The following H2BC13 variants were observed in gnomAD, a reference collection of about 807,000 sequenced individuals.
H2BC13 encodes H2B clustered histone 13.
Under a neutral mutation model 6.3 loss-of-function variants are expected in H2BC13, and 12 were observed. The ratio of observed to expected loss-of-function variants is 1.90; its 90% confidence interval spans 1.22 to 3.08. The LOEUF is 3.08. Among genes scored for constraint, H2BC13 ranks in the 30% most tolerant of loss-of-function variants. The pLI is 0.00. For missense variants in H2BC13, 164 were observed against 170.4 expected (o/e 0.96, Z 0.21); for synonymous variants, 109 against 74.3 (o/e 1.47, Z -2.40).
At position 27,807,576 on chromosome 6, in the gene H2BC13, C is replaced by G. The variant is rs760718843; in HGVS notation, c.331G>C (p.Ala111Pro). Reference protein sequence around the residue: ...LLLPGELAKHAVSEGTKAVTK... With the variant: ...LLLPGELAKHPVSEGTKAVTK... ...ACGGCCTTGGTGCCCTCCGACACCG[C>G]GTGCTTGGCCAGCTCCCCCGGAAGC... Residue 111 changes from alanine to proline, a missense_variant, in exon 1 of 1, where the codon GCG becomes CCG. By Grantham distance (27) the Ala-to-Pro change is conservative (BLOSUM62 -1). Coordinates refer to ENST00000377401, the MANE Select transcript of H2BC13 (RefSeq NM_003519.4). 4 of 1,614,102 alleles carry G rather than the reference C, an allele frequency of 2.5e-6. No homozygotes were observed. In the African/African-American group the frequency reaches 4.0e-5, roughly 16 times the overall value.
In H2BC13 at chr6:27,807,497, G is replaced by C; in HGVS notation, c.*29C>G. ...ATAATAGTGAGTGGCTCTGAAAAGAGCCTTTGGGTTGGACAAGAGCTTGAG... is the reference window on the plus strand; with the variant it reads ...ATAATAGTGAGTGGCTCTGAAAAGACCCTTTGGGTTGGACAAGAGCTTGAG... On this transcript the variant is annotated 3_prime_UTR_variant, in exon 1 of 1. Transcript: ENST00000377401. 2 of 1,612,226 alleles carry C rather than the reference G, an allele frequency of 1.2e-6. No homozygotes were observed. The highest frequency in any genetic ancestry group is 2.2e-5 in the South Asian group (2 of 90,956).
rs780978274 is a variant in H2BC13 at position 27,807,517 on chromosome 6, C to T, written c.*9G>A. The T allele has an allele frequency of 3.1e-6, 5 of 1,613,376 alleles. No individual in the cohort carries two copies. The highest frequency in any genetic ancestry group is 2.2e-5 in the East Asian group (1 of 44,866). ...AAAGAGCCTTTGGGTTGGACAAGAG[C>T]TTGAGAATTTACTTGGAGCTGGTGT... On this transcript the variant is annotated 3_prime_UTR_variant, in exon 1 of 1. Coordinates refer to ENST00000377401, the MANE Select transcript of H2BC13 (RefSeq NM_003519.4).
chr6:27,807,729 T>C lies in H2BC13; in HGVS notation c.178A>G (p.Met60Val), dbSNP rs551809985. 2.5e-6 allele frequency: 4 copies of C among 1,614,246 alleles called. No homozygotes were observed. In the Admixed American group the frequency reaches 5.0e-5, roughly 20 times the overall value. The change falls in exon 1 of 1, where the codon ATG becomes GTG. Residue 60 changes from methionine (M) to valine (V), a missense_variant. Met to Val is a conservative substitution (Grantham distance 21). Coordinates refer to ENST00000377401, the MANE Select transcript of H2BC13 (RefSeq NM_003519.4). Reference sequence around the variant, plus strand: ...TTGACGAAGGAGTTCATGATTCCCATGGCCTTAGAAGAGATGCCGGTGTCG... The same window carrying C: ...TTGACGAAGGAGTTCATGATTCCCACGGCCTTAGAAGAGATGCCGGTGTCG... ...HPDTGISSKAMGIMNSFVNDI... is the reference protein window; with the variant it reads ...HPDTGISSKAVGIMNSFVNDI...
rs1257935837 is a variant in H2BC13 at position 27,807,801 on chromosome 6, C to A, written c.106G>T (p.Glu36Ter). Residue 36 changes from glutamate (E) to a stop codon, truncating the protein, a stop_gained, in exon 1 of 1, where the codon GAG becomes TAG. Coordinates refer to ENST00000377401, the MANE Select transcript of H2BC13 (RefSeq NM_003519.4). LOFTEE classifies it high-confidence loss of function. ...TTGTACACGTACACGGAGTAGCTCT[C>A]CTTGCGGCTGCGCTTGCGCTTCTTG... ...DGKKRKRSRK[E>*]SYSVYVYKVL... 1.2e-6 allele frequency: 2 copies of A among 1,614,232 alleles called. No homozygotes were observed. The highest frequency in any genetic ancestry group is 1.7e-6 in the Non-Finnish European group (2 of 1,180,050).
rs1196693934 is a variant in H2BC13, at chr6:27,807,562, G to A, written c.345C>T (p.Gly115=). 34 of 1,614,072 alleles carry A rather than the reference G, an allele frequency of 2.1e-5. No homozygotes were observed. The Admixed American group carries it at 5.2e-4, about 25-fold the overall frequency. Residue 115 remains glycine, a synonymous_variant, in exon 1 of 1, where the codon GGC becomes GGT. Coordinates refer to ENST00000377401, the MANE Select transcript of H2BC13 (RefSeq NM_003519.4). ...TGGTGTACTTGGTGACGGCCTTGGT[G>A]CCCTCCGACACCGCGTGCTTGGCCA... is the stretch of plus-strand genomic sequence containing the variant. ...GELAKHAVSE[G]TKAVTKYTSS...
chr6:27,807,619 C>G lies in H2BC13; in HGVS notation c.288G>C (p.Gln96His). ...CCGGAAGCAGCAGGCGCACGGCGGTCTGGATCTCCCTGGAGGTGATGGTCG... is the reference window on the plus strand; with the variant it reads ...CCGGAAGCAGCAGGCGCACGGCGGTGTGGATCTCCCTGGAGGTGATGGTCG... ...KRSTITSREIQTAVRLLLPGE... is the reference protein window; with the variant it reads ...KRSTITSREIHTAVRLLLPGE... Residue 96 changes from glutamine (Q) to histidine (H), a missense_variant, in exon 1 of 1, where the codon CAG (glutamine) becomes CAC (histidine). Gln to His is a conservative substitution (Grantham distance 24). Coordinates refer to ENST00000377401, the MANE Select transcript of H2BC13 (RefSeq NM_003519.4). The G allele has an allele frequency of 6.2e-7, 1 of 1,614,250 alleles. No homozygotes were observed. Among genetic ancestry groups the G allele is most frequent in the Non-Finnish European group, 8.5e-7 (1 of 1,180,052 alleles).
rs374721250 is a variant in H2BC13 at position 27,807,784 on chromosome 6, G to T, written c.123C>A (p.Tyr41Ter). The T allele has an allele frequency of 9.3e-6, 15 of 1,614,096 alleles. No homozygotes were observed. Among genetic ancestry groups the T allele is most frequent in the Non-Finnish European group, 1.3e-5 (15 of 1,180,042 alleles). ...KRSRKESYSV[Y>*]VYKVLKQVHP... The stretch of plus-strand genomic sequence containing the variant: ...GGACCTGCTTCAGCACCTTGTACAC[G>T]TACACGGAGTAGCTCTCCTTGCGGC... The change falls in exon 1 of 1, where the codon TAC becomes TAA. Residue 41 changes from tyrosine (Y) to a stop codon, truncating the protein, a stop_gained. Coordinates refer to ENST00000377401, the MANE Select transcript of H2BC13 (RefSeq NM_003519.4). LOFTEE classifies it high-confidence loss of function.
In H2BC13 at chr6:27,807,897, G is replaced by A. The variant is rs141811762; in HGVS notation, c.10C>T (p.Leu4=). Residue 4 remains leucine, a synonymous_variant, in exon 1 of 1, where the codon CTG becomes TTG. Transcript: ENST00000377401. MPE[L]AKSAPAPKKG... is the part of the protein sequence containing the mutation. Reference sequence around the variant, plus strand: ...TTCGGGGCGGGAGCAGACTTGGCCAGCTCGGGCATAATGAAACAATAGTGG... The same window carrying A: ...TTCGGGGCGGGAGCAGACTTGGCCAACTCGGGCATAATGAAACAATAGTGG... 38 of 1,614,042 alleles carry A rather than the reference G, an allele frequency of 2.4e-5. No homozygotes were observed. In the African/African-American group the frequency reaches 4.4e-4, roughly 19 times the overall value.
rs1046614836 is a variant in H2BC13 at position 27,807,689 on chromosome 6, CG to C, written c.217del (p.Arg73AlafsTer?). On this transcript the variant is annotated frameshift_variant, in exon 1 of 1. Transcript: ENST00000377401. LOFTEE classifies it high-confidence loss of function. ...CAGGCGGGAAGCCTCGCTTGCGATGCGCTCGAAGATGTCGTTGACGAAGGAG... is the reference window on the plus strand; with the variant it reads ...CAGGCGGGAAGCCTCGCTTGCGATGCCTCGAAGATGTCGTTGACGAAGGAG... Reference protein sequence around the residue: ...MNSFVNDIFERIASEASRLAH... With the variant: ...MNSFVNDIFEXIASEASRLAH... 10 of 1,614,096 alleles carry C rather than the reference CG, an allele frequency of 6.2e-6. No individual in the cohort carries two copies. Among genetic ancestry groups the C allele is most frequent in the African/African-American group, 2.7e-5 (2 of 74,932 alleles).
In H2BC13 at chr6:27,807,589, C is replaced by T. The variant is rs563781327; in HGVS notation, c.318G>A (p.Glu106=). The change falls in exon 1 of 1, where the codon GAG becomes GAA. Residue 106 remains glutamate (E), a synonymous_variant. Coordinates refer to ENST00000377401, the MANE Select transcript of H2BC13 (RefSeq NM_003519.4). ...QTAVRLLLPG[E]LAKHAVSEGT... ...CCTCCGACACCGCGTGCTTGGCCAG[C>T]TCCCCCGGAAGCAGCAGGCGCACGG... 7 of 1,614,248 alleles carry T rather than the reference C, an allele frequency of 4.3e-6. No individual in the cohort carries two copies. The African/African-American group carries it at 5.3e-5, about 12-fold the overall frequency.
rs1760462418 is a variant in H2BC13 at position 27,807,685 on chromosome 6, G to C, written c.222C>G (p.Ile74Met). ...NSFVNDIFER[I>M]ASEASRLAHY... ...GCGCCAGGCGGGAAGCCTCGCTTGC[G>C]ATGCGCTCGAAGATGTCGTTGACGA... Residue 74 changes from isoleucine (I) to methionine (M), a missense_variant, in exon 1 of 1, where the codon ATC (isoleucine) becomes ATG (methionine). Coordinates refer to ENST00000377401, the MANE Select transcript of H2BC13 (RefSeq NM_003519.4). The C allele has an allele frequency of 6.2e-7, 1 of 1,614,116 alleles. No individual in the cohort carries two copies. Among genetic ancestry groups the C allele is most frequent in the Non-Finnish European group, 8.5e-7 (1 of 1,180,054 alleles).
Position 27,807,818 on chromosome 6 carries a change from C to A in H2BC13, c.89G>T (p.Arg30Leu). The A allele has an allele frequency of 6.2e-7, 1 of 1,614,250 alleles. No homozygotes were observed. Among genetic ancestry groups the A allele is most frequent in the Non-Finnish European group, 8.5e-7 (1 of 1,180,048 alleles). The stretch of plus-strand genomic sequence containing the variant: ...GTAGCTCTCCTTGCGGCTGCGCTTG[C>A]GCTTCTTGCCATCCTTCTTCTGGGC... ...TKAQKKDGKKRKRSRKESYSV... is the reference protein window; with the variant it reads ...TKAQKKDGKKLKRSRKESYSV... Residue 30 changes from arginine to leucine, a missense_variant, in exon 1 of 1, where the codon CGC (arginine) becomes CTC (leucine). Physicochemically the swap from Arg to Leu is moderately radical, Grantham distance 102. Coordinates refer to ENST00000377401, the MANE Select transcript of H2BC13 (RefSeq NM_003519.4).
chr6:27,807,644 G>T lies in H2BC13; in HGVS notation c.263C>A (p.Ser88Ter). 2 of 1,614,236 alleles carry T rather than the reference G, an allele frequency of 1.2e-6. No homozygotes were observed. Among genetic ancestry groups the T allele is most frequent in the Non-Finnish European group, 1.7e-6 (2 of 1,180,028 alleles). ...ASRLAHYNKR[S>*]TITSREIQTA... ...CTGGATCTCCCTGGAGGTGATGGTC[G>T]AGCGCTTGTTGTAGTGCGCCAGGCG... The change falls in exon 1 of 1, where the codon TCG becomes TAG. Residue 88 changes from serine (S) to a stop codon, truncating the protein, a stop_gained. Coordinates refer to ENST00000377401, the MANE Select transcript of H2BC13 (RefSeq NM_003519.4). LOFTEE classifies it high-confidence loss of function.
rs748109261 is a variant in H2BC13 at position 27,807,687 on chromosome 6, T to C, written c.220A>G (p.Ile74Val). Residue 74 changes from isoleucine to valine, a missense_variant, in exon 1 of 1, where the codon ATC becomes GTC. Physicochemically the swap from Ile to Val is conservative, Grantham distance 29. Coordinates refer to ENST00000377401, the MANE Select transcript of H2BC13 (RefSeq NM_003519.4). Reference sequence around the variant, plus strand: ...GCCAGGCGGGAAGCCTCGCTTGCGATGCGCTCGAAGATGTCGTTGACGAAG... The same window carrying C: ...GCCAGGCGGGAAGCCTCGCTTGCGACGCGCTCGAAGATGTCGTTGACGAAG... ...NSFVNDIFER[I>V]ASEASRLAHY... is the part of the protein sequence containing the mutation. 1.2e-6 allele frequency: 2 copies of C among 1,614,238 alleles called. No homozygotes were observed. Among genetic ancestry groups the C allele is most frequent in the Non-Finnish European group, 1.7e-6 (2 of 1,180,050 alleles).
In H2BC13 at chr6:27,807,817, G is replaced by A. The variant is rs953813898; in HGVS notation, c.90C>T (p.Arg30=). The part of the protein sequence containing the change: ...TKAQKKDGKK[R]KRSRKESYSV... ...AGTAGCTCTCCTTGCGGCTGCGCTT[G>A]CGCTTCTTGCCATCCTTCTTCTGGG... The change falls in exon 1 of 1, where the codon CGC becomes CGT. Residue 30 remains arginine, a synonymous_variant. Transcript: ENST00000377401. 3.7e-6 allele frequency: 6 copies of A among 1,614,240 alleles called. No individual in the cohort carries two copies. Among genetic ancestry groups the A allele is most frequent in the Admixed American group, 3.3e-5 (2 of 60,030 alleles).
rs376262784 is a variant in H2BC13, at chr6:27,807,661, C to A, written c.246G>T (p.Ala82=). ...ERIASEASRL[A]HYNKRSTITS... ...TGATGGTCGAGCGCTTGTTGTAGTG[C>A]GCCAGGCGGGAAGCCTCGCTTGCGA... Residue 82 remains alanine, a synonymous_variant, in exon 1 of 1, where the codon GCG becomes GCT. Transcript: ENST00000377401. 1 of 1,614,214 alleles carries A rather than the reference C, an allele frequency of 6.2e-7. No homozygotes were observed. Among genetic ancestry groups the A allele is most frequent in the East Asian group, 2.2e-5 (1 of 44,884 alleles).
In H2BC13 at chr6:27,807,537, T is replaced by C. The variant is rs780566167; in HGVS notation, c.370A>G (p.Ser124Gly). Reference sequence around the variant, plus strand: ...AAGAGCTTGAGAATTTACTTGGAGCTGGTGTACTTGGTGACGGCCTTGGTG... The same window carrying C: ...AAGAGCTTGAGAATTTACTTGGAGCCGGTGTACTTGGTGACGGCCTTGGTG... ...EGTKAVTKYT[S>G]SK The change falls in exon 1 of 1, where the codon AGC becomes GGC. Residue 124 changes from serine to glycine, a missense_variant. Transcript: ENST00000377401. The C allele has an allele frequency of 3.1e-6, 5 of 1,614,078 alleles. No individual in the cohort carries two copies. Among genetic ancestry groups the C allele is most frequent in the Non-Finnish European group, 4.2e-6 (5 of 1,180,034 alleles).
Position 27,807,627 on chromosome 6 carries a change from C to T in H2BC13, c.280G>A (p.Glu94Lys), listed in dbSNP as rs1213320429. ...YNKRSTITSR[E>K]IQTAVRLLLP... ...AGCAGGCGCACGGCGGTCTGGATCT[C>T]CCTGGAGGTGATGGTCGAGCGCTTG... Residue 94 changes from glutamate (E) to lysine (K), a missense_variant, in exon 1 of 1, where the codon GAG becomes AAG. Physicochemically the swap from Glu to Lys is moderately conservative, Grantham distance 56 (BLOSUM62 1). Coordinates refer to ENST00000377401, the MANE Select transcript of H2BC13 (RefSeq NM_003519.4). 1.9e-6 allele frequency: 3 copies of T among 1,614,226 alleles called. No individual in the cohort carries two copies. The South Asian group carries it at 3.3e-5, about 18-fold the overall frequency.
At position 27,807,543 on chromosome 6, in the gene H2BC13, A is replaced by G; in HGVS notation, c.364T>C (p.Tyr122His). 2 of 1,614,202 alleles carry G rather than the reference A, an allele frequency of 1.2e-6. No homozygotes were observed. The highest frequency in any genetic ancestry group is 2.2e-5 in the South Asian group (2 of 91,078). The change falls in exon 1 of 1, where the codon TAC (tyrosine) becomes CAC (histidine). Residue 122 changes from tyrosine to histidine, a missense_variant. Tyr to His is a moderately conservative substitution (Grantham distance 83, BLOSUM62 2). Coordinates refer to ENST00000377401, the MANE Select transcript of H2BC13 (RefSeq NM_003519.4). ...TTGAGAATTTACTTGGAGCTGGTGT[A>G]CTTGGTGACGGCCTTGGTGCCCTCC... Reference protein sequence around the residue: ...VSEGTKAVTKYTSSK With the variant: ...VSEGTKAVTKHTSSK
Sources: allele counts gnomAD v4.1 joint callset, GRCh38; gene constraint gnomAD v4.1.1; transcripts MANE v1.5; gene names NCBI Gene and HGNC (gene_info 2026-07-23, HGNC 2026-07-21).